Variants in ADGRB3 observed in about 807,000 individuals in gnomAD.
ADGRB3 encodes brain-specific angiogenesis inhibitor 3.
A neutral mutation model predicts 193.4 loss-of-function variants in ADGRB3; 37 were observed. The ratio of observed to expected loss-of-function variants is 0.19; its 90% confidence interval spans 0.15 to 0.25. The LOEUF (loss-of-function observed/expected upper bound fraction) is 0.25. ADGRB3 is among the 10% of genes least tolerant of loss of function. The probability of loss-of-function intolerance (pLI) is 1.00; values close to 1 mark genes in which losing one functional copy is unlikely to be tolerated. For missense variants in ADGRB3, 1,637 were observed against 1,852.9 expected (o/e 0.88, Z 2.14); for synonymous variants, 690 against 644.2 (o/e 1.07, Z -1.08).
intron 13 of ADGRB3, among the ~76,000 whole-genome samples, chr6:69,037,965 A>G (rs1466236875): frequency 6.6e-6 from 1 of 152,148 alleles, no homozygotes; most frequent in Non-Finnish European, 1.5e-5. Context: ...CTCCCCAAAT[A>G]CTATGCCAGT....
rs1768934062 is a variant in ADGRB3 at position 68,670,781 on chromosome 6, C to G, written c.757+31349C>G. ...CCATACAAATTTTTGGATCTTTTTTCTATTTCTGTAAAGAATGTCATTGGT... is the reference window on the plus strand; with the variant it reads ...CCATACAAATTTTTGGATCTTTTTTGTATTTCTGTAAAGAATGTCATTGGT... On this transcript the variant is annotated intron_variant, in intron 3 of 31. Transcript: ENST00000370598. 2.0e-5 allele frequency among the ~76,000 whole-genome samples: 3 copies of G among 151,768 alleles called. No individual in the cohort carries two copies. In the South Asian group the frequency reaches 6.2e-4, roughly 31 times the overall value.
rs566081800 is a variant in ADGRB3, at chr6:68,650,313, G to A, written c.757+10881G>A. ...CTCTTCTTTGAGTTTAGGCCCTCTA[G>A]GTTTTTTTCGGTATTTATCTGTTGG... On this transcript the variant is annotated intron_variant, in intron 3 of 31. Transcript: ENST00000370598. Among the ~76,000 whole-genome samples the A allele has an allele frequency of 3.2e-3, 487 of 151,792 alleles. 3 individuals are homozygous for A. The highest frequency in any genetic ancestry group is 0.01 in the African/African-American group (431 of 41,410).
In ADGRB3 at chr6:69,048,292, G is replaced by T. The variant is rs1443931619; in HGVS notation, c.2215G>T (p.Val739Leu). Residue 739 changes from valine to leucine, a missense_variant, in exon 14 of 32, where the codon GTA (valine) becomes TTA (leucine). Physicochemically the swap from Val to Leu is conservative, Grantham distance 32. Coordinates refer to ENST00000370598, the MANE Select transcript of ADGRB3 (RefSeq NM_001704.3). ...CTGGGCAAGAAACTCAGAAGATAGG[G>T]TAGTAATTCCAAAAAGCATTTTCAC... Reference protein sequence around the residue: ...VDWARNSEDRVVIPKSIFTPV... With the variant: ...VDWARNSEDRLVIPKSIFTPV... 4 of 1,613,464 alleles carry T rather than the reference G, an allele frequency of 2.5e-6. No homozygotes were observed. The African/African-American group carries it at 5.3e-5, about 22-fold the overall frequency.
intron 20 of ADGRB3, among the ~76,000 whole-genome samples, chr6:69,262,677 G>A (rs1766954940): frequency 6.6e-6 from 1 of 151,858 alleles, no homozygotes; most frequent in African/African-American, 2.4e-5. Flanking sequence ...AAGATATTTT[G>A]AAAGAGAGAG....
intron 3 of ADGRB3, among the ~76,000 whole-genome samples, chr6:68,810,412 C>T (rs1037168903): frequency 6.6e-6 from 1 of 152,176 alleles, no homozygotes; most frequent in Admixed American, 6.5e-5. Context: ...CAAGGCCTAC[C>T]ACAAAGTAGG....
intron 3 of ADGRB3, among the ~76,000 whole-genome samples, chr6:68,912,339 C>T (rs934118210): frequency 5.3e-5 from 8 of 150,922 alleles, no homozygotes; most frequent in Non-Finnish European, 8.9e-5. Flanking sequence ...TATTCATCTT[C>T]TTTTTTTATT....
intron 17 of ADGRB3, among the ~76,000 whole-genome samples, chr6:69,194,554 C>T (rs1158685180): frequency 6.6e-6 from 1 of 152,104 alleles, no homozygotes; most frequent in African/African-American, 2.4e-5. Context: ...TGAGAATGGG[C>T]TTGAAAGTGA....
At chr6:69,088,182 T>C (rs1020688952) in intron 17 of ADGRB3, among the ~76,000 whole-genome samples, 1 of 152,154 alleles carries the variant, frequency 6.6e-6, no homozygotes, top group South Asian at 2.1e-4. Context: ...TGAATTGAAA[T>C]GGAATGAAGT....
At chr6:69,159,526 G>C (rs1184530331) in intron 17 of ADGRB3, among the ~76,000 whole-genome samples, 1 of 152,092 alleles carries the variant, frequency 6.6e-6, no homozygotes, top group African/African-American at 2.4e-5. Flanking sequence ...CTTCTAGTTG[G>C]AAAGAGAAAT....
intron 20 of ADGRB3, among the ~76,000 whole-genome samples, chr6:69,311,509 C>G (rs543587679): frequency 2.4e-4 from 36 of 151,802 alleles, no homozygotes; most frequent in African/African-American, 8.4e-4. Flanking sequence ...TAATTCTTGG[C>G]AAAGAGAATT....
At chr6:69,222,465 T>A (rs1765916407) in intron 17 of ADGRB3, among the ~76,000 whole-genome samples, 1 of 152,206 alleles carries the variant, frequency 6.6e-6, no homozygotes, top group African/African-American at 2.4e-5. Context: ...CTGATGACAG[T>A]ACTCTGGTTG....
At chr6:69,227,696 C>A (rs1358312964) in intron 17 of ADGRB3, among the ~76,000 whole-genome samples, 2 of 152,162 alleles carry the variant, frequency 1.3e-5, no homozygotes, top group Non-Finnish European at 2.9e-5. Flanking sequence ...ATTTGAAAAG[C>A]ACCCACTAAA....
chr6:69,335,244 G>A (rs571042542), intron 24 of ADGRB3, among the ~76,000 whole-genome samples: 36 of 152,040 alleles, frequency 2.4e-4, no homozygotes, highest in Middle Eastern at 3.4e-3. Flanking sequence ...ATAAGAGATC[G>A]TATAGGTTTA....
intron 17 of ADGRB3, among the ~76,000 whole-genome samples, chr6:69,186,071 T>C (rs1465544668): frequency 6.6e-6 from 1 of 151,912 alleles, no homozygotes; most frequent in Non-Finnish European, 1.5e-5. Flanking sequence ...TGGAGGTTTG[T>C]TCTGACATGG....
intron 10 of ADGRB3, among the ~76,000 whole-genome samples, chr6:68,986,702 A>G (rs149975139): frequency 7.2e-5 from 11 of 152,192 alleles, no homozygotes; most frequent in African/African-American, 2.2e-4. Context: ...AAAAAGCTCT[A>G]TGTATAATTA....
chr6:69,069,551 T>TAA (rs1772011384), intron 16 of ADGRB3, among the ~76,000 whole-genome samples: 1 of 1,028 alleles, frequency 9.7e-4, no homozygotes, highest in Non-Finnish European at 2.1e-3. Flanking sequence ...CTACTAAAAA[T>TAA]ACAAAAAAAA....
At chr6:69,301,030 T>A (rs1163246002) in intron 20 of ADGRB3, among the ~76,000 whole-genome samples, 1 of 151,792 alleles carries the variant, frequency 6.6e-6, no homozygotes, top group East Asian at 1.9e-4. Flanking sequence ...ACTGCACAGG[T>A]CCACTTATAA....
At chr6:69,009,522 G>C (rs1313696938) in intron 11 of ADGRB3, among the ~76,000 whole-genome samples, 1 of 152,068 alleles carries the variant, frequency 6.6e-6, no homozygotes, top group Non-Finnish European at 1.5e-5. Context: ...TATGGGGCAG[G>C]ATAGCATAAG....
chr6:68,839,079 G>GTC (rs1167111490), intron 3 of ADGRB3, among the ~76,000 whole-genome samples: 3 of 119,548 alleles, frequency 2.5e-5, no homozygotes, highest in African/African-American at 1.1e-4. Context: ...CTGTCTCTCT[G>GTC]TCACACACAC....
Sources: gnomAD v4.1 joint callset for allele counts (sites outside exome capture counted in the v4.1 genomes callset) on GRCh38, gnomAD v4.1.1 for gene constraint, MANE v1.5 for transcripts, NCBI Gene and HGNC (gene_info 2026-07-23, HGNC 2026-07-21) for gene names.